PREX1: variants seen among roughly 807,000 people sequenced by gnomAD.
PREX1 encodes the protein phosphatidylinositol-3,4,5-trisphosphate dependent Rac exchange factor 1, also known as phosphatidylinositol 3,4,5-trisphosphate-dependent Rac exchanger 1 protein.
PREX1 carries 41 observed loss-of-function variants against 198.3 expected under a neutral mutation model. That is an observed-to-expected ratio of 0.21 (90% CI 0.16 to 0.27). PREX1 has a LOEUF of 0.27. Ranked by LOEUF, PREX1 falls within the 10% of genes least tolerant of loss-of-function variation. PREX1 has a pLI of 1.00. For missense variants in PREX1, 1,620 were observed against 2,200.7 expected, an observed-to-expected ratio of 0.74 and a Z score of 5.28; for synonymous variants, 843 against 887.2, an observed-to-expected ratio of 0.95 and a Z score of 0.89.
intron 37 of PREX1, among the ~76,000 whole-genome samples, 159 bp downstream of exon 37, chr20:48,629,286 CACAG>C (rs375209114): frequency 2.6e-4 from 40 of 152,330 alleles, no homozygotes; most frequent in African/African-American, 8.7e-4. Context: ...CATTCCGTTT[CACAG>C]ACAGACAAAC....
At chr20:48,860,978 A>G in the PREX1 span, among the ~76,000 whole-genome samples, 1 of 152,160 alleles carries the variant, frequency 6.6e-6, no homozygotes, top group Non-Finnish European at 1.5e-5. Flanking sequence ...AAAAGAAAAT[A>G]AAAGAAAAAA....
intron 1 of PREX1, among the ~76,000 whole-genome samples, chr20:48,768,237 T>C (rs2426095): frequency 0.34 from 51,603 of 152,094 alleles, 10,050 homozygotes; most frequent in Non-Finnish European, 0.43. Context: ...GCACAGAGAA[T>C]GGAACACAAT....
Position 48,641,838 on chromosome 20 carries a change from GAGAGGAAGGA to G in PREX1, c.3775+320_3775+329del, listed in dbSNP as rs1456093033. Among the ~76,000 whole-genome samples, 835 of 99,114 alleles carry G rather than the reference GAGAGGAAGGA, an allele frequency of 8.4e-3. 6 individuals carry two copies. The highest frequency in any genetic ancestry group is 0.065 in the East Asian group (218 of 3,352). The allele number at this position is 99,114 out of a possible 152,430, so 65.0% of individuals were successfully genotyped here. A position where few individuals can be genotyped will look rare whatever the true frequency, so the allele number is the denominator to read the frequency against. On this transcript the variant is annotated intron_variant, in intron 29 of 39. Transcript: ENST00000371941. ...AGAAAGAAAGAAAGAGAGAGAGAGA[GAGAGGAAGGA>G]AGGAAGGAAGGAAGGAAGGAAGGAA...
At position 48,653,458 on chromosome 20, in the gene PREX1, C is replaced by T; in HGVS notation, c.2249G>A (p.Cys750Tyr). ...GTTGCTGCCATTGACCTTCAGAATG[C>T]ACTGACCAGCACAGAGCCCTGCAGC... ...AMAAGLCAGQ[C>Y]ILKVNGSNVM... The change falls in exon 20 of 40, where the codon TGC becomes TAC. Residue 750 changes from cysteine to tyrosine, a missense_variant. Physicochemically the swap from Cys to Tyr is radical, Grantham distance 194. Coordinates refer to ENST00000371941, the MANE Select transcript of PREX1 (RefSeq NM_020820.4). 1 of 1,613,702 alleles carries T rather than the reference C, an allele frequency of 6.2e-7. No individual in the cohort carries two copies. The highest frequency in any genetic ancestry group is 1.1e-5 in the South Asian group (1 of 91,086).
At chr20:48,767,989 C>T (rs2090217049) in intron 1 of PREX1, among the ~76,000 whole-genome samples, 1 of 152,176 alleles carries the variant, frequency 6.6e-6, no homozygotes, top group Admixed American at 6.5e-5. Flanking sequence ...GAGTCCTCCT[C>T]TCTGCGCACT....
rs2089642922 is a variant in PREX1 at position 48,666,670 on chromosome 20, C to A, written c.1666-315G>T. Among the ~76,000 whole-genome samples, 1 of 152,108 alleles carries A rather than the reference C, an allele frequency of 6.6e-6. No individual in the cohort carries two copies. Among genetic ancestry groups the A allele is most frequent in the Non-Finnish European group, 1.5e-5 (1 of 68,012 alleles). Reference sequence around the variant, plus strand: ...CCTCCCGAGTAGCTGGGACTACAGGCACCTGCCACCACGCCCGGCTAATTT... The same window carrying A: ...CCTCCCGAGTAGCTGGGACTACAGGAACCTGCCACCACGCCCGGCTAATTT... On this transcript the variant is annotated intron_variant, in intron 14 of 39. Transcript: ENST00000371941. The surrounding 1 kb of genome is among the most constrained non-coding windows in gnomAD (Gnocchi z 4.3).
In PREX1 at chr20:48,792,858, T is replaced by C. The variant is rs544168940; in HGVS notation, c.219+34784A>G. 2.2e-3 allele frequency among the ~76,000 whole-genome samples: 183 copies of C among 82,554 alleles called. 2 individuals are homozygous for C. Among genetic ancestry groups the C allele is most frequent in the Admixed American group, 0.022 (180 of 8,272 alleles). 54.2% of individuals were successfully genotyped at this position (82,554 alleles called of 152,430 possible). The stretch of plus-strand genomic sequence containing the variant: ...CACACACACACACACACACACATAG[T>C]ATGATTCCATTTATATCCATTTATA... On this transcript the variant is annotated intron_variant, in intron 1 of 39. Coordinates refer to ENST00000371941, the MANE Select transcript of PREX1 (RefSeq NM_020820.4).
intron 1 of PREX1, among the ~76,000 whole-genome samples, chr20:48,781,811 C>A (rs565999096): frequency 1.1e-4 from 17 of 152,314 alleles, no homozygotes; most frequent in African/African-American, 3.6e-4. Flanking sequence ...GAATTTGCTA[C>A]GAATTTGCAT....
intron 1 of PREX1, among the ~76,000 whole-genome samples, chr20:48,759,912 A>C (rs533491430): frequency 2.0e-5 from 3 of 152,068 alleles, no homozygotes; most frequent in Admixed American, 6.6e-5. Context: ...CGAGCAATCA[A>C]TCAATACGGC....
At chr20:48,787,300 C>G (rs1461795110) in intron 1 of PREX1, among the ~76,000 whole-genome samples, 1 of 151,870 alleles carries the variant, frequency 6.6e-6, no homozygotes, top group Non-Finnish European at 1.5e-5. Flanking sequence ...ACATAAATCT[C>G]ATAATCATGT....
At position 48,762,095 on chromosome 20, in the gene PREX1, C is replaced by T. The variant is rs143286452; in HGVS notation, c.220-14215G>A. 7.1e-3 allele frequency among the ~76,000 whole-genome samples: 1,083 copies of T among 152,304 alleles called. 13 individuals are homozygous for T. Among genetic ancestry groups the T allele is most frequent in the African/African-American group, 0.025 (1,028 of 41,552 alleles). On this transcript the variant is annotated intron_variant, in intron 1 of 39. Transcript: ENST00000371941. Reference sequence around the variant, plus strand: ...CAAGGCAAACCTGAACCTGCTACTTCGCCTTTACCCTCACCCAGGGCAGAC... The same window carrying T: ...CAAGGCAAACCTGAACCTGCTACTTTGCCTTTACCCTCACCCAGGGCAGAC...
intron 1 of PREX1, among the ~76,000 whole-genome samples, chr20:48,759,256 A>G (rs1458606228): frequency 6.6e-6 from 1 of 152,116 alleles, no homozygotes; most frequent in African/African-American, 2.4e-5. Context: ...CTGATATGAA[A>G]TACTGCAGGC....
At chr20:48,710,903 G>A (rs1212966121) in intron 5 of PREX1, among the ~76,000 whole-genome samples, 1 of 152,242 alleles carries the variant, frequency 6.6e-6, no homozygotes, top group African/African-American at 2.4e-5. Flanking sequence ...TGAGCGAGAG[G>A]GATGGACCAC....
chr20:48,867,629 G>C, the PREX1 span, among the ~76,000 whole-genome samples: 1 of 151,980 alleles, frequency 6.6e-6, no homozygotes, highest in East Asian at 1.9e-4. Context: ...TGTAATCCCA[G>C]TTACTTGAGA....
chr20:48,873,501 G>C, the PREX1 span, among the ~76,000 whole-genome samples: 28 of 147,264 alleles, frequency 1.9e-4, no homozygotes, highest in Middle Eastern at 3.5e-3. Flanking sequence ...CTGAGGTCAG[G>C]AGTTCAAGAC....
At chr20:48,754,238 G>C (rs936615732) in intron 1 of PREX1, among the ~76,000 whole-genome samples, 1 of 152,168 alleles carries the variant, frequency 6.6e-6, no homozygotes, top group African/African-American at 2.4e-5. Context: ...CCTCAAACTC[G>C]AGGAGGCAGG....
chr20:48,773,548 C>T (rs182190888), intron 1 of PREX1, among the ~76,000 whole-genome samples: 1 of 152,162 alleles, frequency 6.6e-6, no homozygotes, highest in Non-Finnish European at 1.5e-5. Context: ...CTGAGACTGA[C>T]ATGAAGAGGT....
rs1052659565 is a variant in PREX1, at chr20:48,626,391, G to A, written c.4938-464C>T. Among the ~76,000 whole-genome samples, 26 of 152,202 alleles carry A rather than the reference G, an allele frequency of 1.7e-4. 1 individual carries two copies. Among genetic ancestry groups the A allele is most frequent in the Admixed American group, 1.6e-3 (24 of 15,286 alleles). On this transcript the variant is annotated intron_variant, in intron 39 of 39. Coordinates refer to ENST00000371941, the MANE Select transcript of PREX1 (RefSeq NM_020820.4). ...ATGTGGTCTGATGTGGTCAGCGCTC[G>A]GACTCCACGCCCAGACTGCCTGGGT...
Position 48,684,935 on chromosome 20 carries a change from C to T in PREX1, c.1335-3600G>A, listed in dbSNP as rs1009273334. 3.9e-5 allele frequency among the ~76,000 whole-genome samples: 6 copies of T among 152,242 alleles called. No individual in the cohort carries two copies. Among genetic ancestry groups the T allele is most frequent in the Admixed American group, 3.9e-4 (6 of 15,282 alleles). On this transcript the variant is annotated intron_variant, in intron 10 of 39. Transcript: ENST00000371941. The surrounding 1 kb of genome is among the most constrained non-coding windows in gnomAD (Gnocchi z 4.2). ...GTTCCCCACACCCTCTCATGGCTGGCTCTTGCTTGTCTTTCAGATCGTGGT... is the reference window on the plus strand; with the variant it reads ...GTTCCCCACACCCTCTCATGGCTGGTTCTTGCTTGTCTTTCAGATCGTGGT...
Sources: gnomAD v4.1 joint callset for allele counts (sites outside exome capture counted in the v4.1 genomes callset) on GRCh38, gnomAD v4.1.1 for gene constraint, Gnocchi (gnomAD v3.1) non-coding constraint, MANE v1.5 for transcripts, NCBI Gene and HGNC (gene_info 2026-07-23, HGNC 2026-07-21) for gene names.